Variants in TSNAXIP1 observed in about 807,000 individuals in gnomAD.
TSNAXIP1 encodes translin-associated factor X-interacting protein 1.
Under a neutral mutation model 84.8 loss-of-function variants are expected in TSNAXIP1, and 89 were observed. That is an observed-to-expected ratio of 1.05 (90% confidence interval 0.88 to 1.25). The LOEUF is 1.25. TSNAXIP1 is among the 50% of genes most tolerant of loss of function. TSNAXIP1 has a pLI of 0.00. For missense variants in TSNAXIP1, 874 were observed against 887.6 expected (o/e 0.98, Z 0.20); for synonymous variants, 347 against 335.2 (o/e 1.04, Z -0.39).
intron 7 of TSNAXIP1, 84 bp from the exon 8 acceptor site, chr16:67,825,583 C>T: frequency 6.6e-7 from 1 of 1,517,370 alleles, no homozygotes; most frequent in Non-Finnish European, 8.9e-7. Flanking sequence ...AACCAGGGAA[C>T]CCCAAACAGG....
rs781322172 is a variant in TSNAXIP1 at position 67,827,065 on chromosome 16, C to G, written c.1657C>G (p.Gln553Glu). 1 of 1,613,928 alleles carries G rather than the reference C, an allele frequency of 6.2e-7. No individual in the cohort carries two copies. Among genetic ancestry groups the G allele is most frequent in the South Asian group, 1.1e-5 (1 of 91,064 alleles). ...GAACGAGGGGCTACTAACCATGGAGCAGTTCAAGTGAGAGGCCAGTCCAGG... is the reference window on the plus strand; with the variant it reads ...GAACGAGGGGCTACTAACCATGGAGGAGTTCAAGTGAGAGGCCAGTCCAGG... ...SQNEGLLTME[Q>E]FNTVLKSTFP... Residue 553 changes from glutamine to glutamate, a missense_variant, in exon 13 of 16, where the codon CAG becomes GAG. Gln to Glu is a conservative substitution (Grantham distance 29, BLOSUM62 2). Coordinates refer to ENST00000561639, the MANE Select transcript of TSNAXIP1 (RefSeq NM_001288990.3).
chr16:67,819,741 G>A (rs1259530264), intron 2 of TSNAXIP1, among the ~76,000 whole-genome samples: 2 of 150,200 alleles, frequency 1.3e-5, no homozygotes, highest in African/African-American at 2.5e-5. Flanking sequence ...TCCGCTTCCC[G>A]GGTTCAAGGG....
In TSNAXIP1 at chr16:67,811,019, G is replaced by A. The variant is rs376654992; in HGVS notation, c.48-3283G>A. Among the ~76,000 whole-genome samples the A allele has an allele frequency of 8.0e-5, 12 of 150,834 alleles. No individual in the cohort carries two copies. In the East Asian group the frequency reaches 1.4e-3, roughly 17 times the overall value. On this transcript the variant is annotated intron_variant, in intron 1 of 15. Coordinates refer to ENST00000561639, the MANE Select transcript of TSNAXIP1 (RefSeq NM_001288990.3). ...TCCTTTTTCTGGAGAACGGGGTCTC[G>A]CTATATTGCCCAGGCAGGTCTCGAA...
In TSNAXIP1 at chr16:67,824,698, C is replaced by T. The variant is rs902199602; in HGVS notation, c.597C>T (p.Ile199=). Residue 199 remains isoleucine, a synonymous_variant, in exon 6 of 16, where the codon ATC becomes ATT. Transcript: ENST00000561639. Reference sequence around the variant, plus strand: ...TGAGAGCTGAGGAGAAATATGAAATCTCCCTGCTCAAGAAAGAGAAGATGA... The same window carrying T: ...TGAGAGCTGAGGAGAAATATGAAATTTCCCTGCTCAAGAAAGAGAAGATGA... The part of the protein sequence containing the change: ...LAMRAEEKYE[I]SLLKKEKMNL... The T allele has an allele frequency of 3.7e-6, 6 of 1,614,162 alleles. No individual in the cohort carries two copies. Among genetic ancestry groups the T allele is most frequent in the Non-Finnish European group, 5.1e-6 (6 of 1,180,030 alleles).
rs769134364 is a variant in TSNAXIP1 at position 67,824,690 on chromosome 16, T to C, written c.589T>C (p.Tyr197His). 3.7e-5 allele frequency: 60 copies of C among 1,613,948 alleles called. No individual in the cohort carries two copies. Among genetic ancestry groups the C allele is most frequent in the Non-Finnish European group, 5.0e-5 (59 of 1,180,004 alleles). Residue 197 changes from tyrosine (Y) to histidine (H), a missense_variant, in exon 6 of 16, where the codon TAT becomes CAT. Transcript: ENST00000561639. ...RILAMRAEEK[Y>H]EISLLKKEKM... The stretch of plus-strand genomic sequence containing the variant: ...CCTGGCCATGAGAGCTGAGGAGAAA[T>C]ATGAAATCTCCCTGCTCAAGAAAGA...
intron 1 of TSNAXIP1, 48 bp downstream of exon 1, chr16:67,807,244 T>C (rs1347100668): frequency 1.3e-6 from 2 of 1,535,790 alleles, no homozygotes; most frequent in Non-Finnish European, 1.7e-6. Flanking sequence ...TGAGTACTTC[T>C]AGAGAGGGAA....
At chr16:67,819,712 A>G (rs2056878948) in intron 2 of TSNAXIP1, among the ~76,000 whole-genome samples, 1 of 149,390 alleles carries the variant, frequency 6.7e-6, no homozygotes. Flanking sequence ...CAATGGTGCA[A>G]TCTCAGCTCA....
chr16:67,807,181 T>C lies in TSNAXIP1; in HGVS notation c.32T>C (p.Phe11Ser). MACQQSRYHS[F>S]SSASRLQPRP... Reference sequence around the variant, plus strand: ...TGCCAGCAGTCGCGGTACCACAGCTTCTCGTCCGCGTCGAGGTAGGCGCTG... The same window carrying C: ...TGCCAGCAGTCGCGGTACCACAGCTCCTCGTCCGCGTCGAGGTAGGCGCTG... The change falls in exon 1 of 16, where the codon TTC (phenylalanine) becomes TCC (serine). Residue 11 changes from phenylalanine to serine, a missense_variant. Coordinates refer to ENST00000561639, the MANE Select transcript of TSNAXIP1 (RefSeq NM_001288990.3). The C allele has an allele frequency of 6.5e-7, 1 of 1,535,880 alleles. No homozygotes were observed. The highest frequency in any genetic ancestry group is 8.7e-7 in the Non-Finnish European group (1 of 1,146,858).
rs140510772 is a variant in TSNAXIP1 at position 67,827,211 on chromosome 16, T to C, written c.1665-38T>C. ...CACTAGGGAGAGGCACAAGCAGGCC[T>C]CAGCAGGTCCCTGTTGGCCCTCATG... is the stretch of plus-strand genomic sequence containing the variant. On this transcript the variant is annotated intron_variant, in intron 13 of 15. Coordinates refer to ENST00000561639, the MANE Select transcript of TSNAXIP1 (RefSeq NM_001288990.3). 261 of 1,613,138 alleles carry C rather than the reference T, an allele frequency of 1.6e-4. 3 individuals are homozygous for C. The African/African-American group carries it at 2.9e-3, about 18-fold the overall frequency.
At chr16:67,824,301 G>T (rs1268489267) in intron 5 of TSNAXIP1, among the ~76,000 whole-genome samples, 2 of 152,122 alleles carry the variant, frequency 1.3e-5, no homozygotes, top group East Asian at 1.9e-4. Context: ...GAGTCAGCAG[G>T]CTCCCCTGCC....
chr16:67,825,554 T>C, intron 7 of TSNAXIP1, 113 bp from the exon 8 acceptor site: 1 of 1,407,628 alleles, frequency 7.1e-7, no homozygotes, highest in Non-Finnish European at 9.6e-7. Context: ...AACCCTAGGC[T>C]GGTAGTGCTG....
rs761811544 is a variant in TSNAXIP1, at chr16:67,825,697, C to A, written c.845C>A (p.Thr282Asn). 8.1e-6 allele frequency: 13 copies of A among 1,614,008 alleles called. No homozygotes were observed. Among genetic ancestry groups the A allele is most frequent in the Middle Eastern group, 1.6e-4 (1 of 6,062 alleles). Residue 282 changes from threonine (T) to asparagine (N), a missense_variant, in exon 8 of 16, where the codon ACC (threonine) becomes AAC (asparagine). By Grantham distance (65) the Thr-to-Asn change is moderately conservative. Coordinates refer to ENST00000561639, the MANE Select transcript of TSNAXIP1 (RefSeq NM_001288990.3). ...TGGGGGGAGGACCCTGTGAAGTTAA[C>A]CCTGGCTCTTAAGATGACCCGGCAA... ...GIWGEDPVKL[T>N]LALKMTRQDL... is the part of the protein sequence containing the mutation.
At chr16:67,825,541 T>C (rs2151263843) in intron 7 of TSNAXIP1, 126 bp from the exon 8 acceptor site, 2 of 1,370,512 alleles carry the variant, frequency 1.5e-6, no homozygotes, top group East Asian at 4.6e-5. Context: ...GACTTTAGCC[T>C]GAAACCCTAG....
Position 67,807,291 on chromosome 16 carries a change from C to G in TSNAXIP1, c.47+95C>G, listed in dbSNP as rs1203885693. On this transcript the variant is annotated intron_variant, in intron 1 of 15. Transcript: ENST00000561639. ...TCCGGACCTCTGCACCTCCTGCTGGCCTCTGACCATTGATCTAGGGCTCCA... is the reference window on the plus strand; with the variant it reads ...TCCGGACCTCTGCACCTCCTGCTGGGCTCTGACCATTGATCTAGGGCTCCA... 1.2e-5 allele frequency: 18 copies of G among 1,535,036 alleles called. No individual in the cohort carries two copies. The Admixed American group carries it at 3.3e-4, about 28-fold the overall frequency.
intron 4 of TSNAXIP1, among the ~76,000 whole-genome samples, chr16:67,822,525 A>G (rs2057141970): frequency 6.6e-6 from 1 of 151,880 alleles, no homozygotes; most frequent in South Asian, 2.1e-4. Flanking sequence ...AACAACCCCA[A>G]GCTTAAGGAA....
intron 1 of TSNAXIP1, among the ~76,000 whole-genome samples, chr16:67,812,574 G>A (rs1186409751): frequency 6.6e-6 from 1 of 151,812 alleles, no homozygotes; most frequent in Middle Eastern, 3.4e-3. Flanking sequence ...GCTGAGGCAA[G>A]AGAATTGCTT....
chr16:67,807,025 T>C lies in TSNAXIP1; in HGVS notation c.-125T>C. The C allele has an allele frequency of 7.0e-7, 1 of 1,429,908 alleles. No homozygotes were observed. Among genetic ancestry groups the C allele is most frequent in the East Asian group, 2.5e-5 (1 of 39,838 alleles). 88.6% of individuals were successfully genotyped at this position (1,429,908 alleles called of 1,614,324 possible). A position where few individuals can be genotyped will look rare whatever the true frequency, so the allele number is the denominator to read the frequency against. ...CCCGCGGGCGCTAGGCTCGGGGGCGTGGCGCATCCCTGACTCCGCCCCCGC... is the reference window on the plus strand; with the variant it reads ...CCCGCGGGCGCTAGGCTCGGGGGCGCGGCGCATCCCTGACTCCGCCCCCGC... On this transcript the variant is annotated 5_prime_UTR_variant, in exon 1 of 16. Transcript: ENST00000561639.
rs1024090064 is a variant in TSNAXIP1, at chr16:67,820,760, C to A, written c.148-79C>A. On this transcript the variant is annotated intron_variant, in intron 2 of 15. Transcript: ENST00000561639. ...CTGTCTCAAAAAAAAAAAGTCAGGA[C>A]TGGGGGAGGAGAGATGGAGAGAAAC... 47 of 1,106,038 alleles carry A rather than the reference C, an allele frequency of 4.2e-5. No homozygotes were observed. The Admixed American group carries it at 5.5e-4, about 13-fold the overall frequency. The allele number at this position is 1,106,038 out of a possible 1,614,324, so 68.5% of individuals were successfully genotyped here.
At chr16:67,827,445 C>T in intron 14 of TSNAXIP1, 28 bp from the exon 15 acceptor site, 1 of 1,614,082 alleles carries the variant, frequency 6.2e-7, no homozygotes, top group Non-Finnish European at 8.5e-7. Context: ...CCCAATGTGC[C>T]CTCCCCCTGA....
Sources: gnomAD v4.1 joint callset for allele counts (sites outside exome capture counted in the v4.1 genomes callset) on GRCh38, gnomAD v4.1.1 for gene constraint, MANE v1.5 for transcripts, NCBI Gene and HGNC (gene_info 2026-07-23, HGNC 2026-07-21) for gene names.